Variants in SLC1A6 observed in about 807,000 individuals in gnomAD.
SLC1A6 encodes solute carrier family 1 member 6.
In SLC1A6, 15 loss-of-function variants were observed where a neutral mutation model predicts 42.1. That is an observed-to-expected ratio of 0.36 (90% confidence interval 0.24 to 0.55). The LOEUF is 0.55. Among genes scored for constraint, SLC1A6 ranks in the 20% least tolerant of loss-of-function variants. The probability of loss-of-function intolerance (pLI) is 0.88; values close to 1 mark genes in which losing one functional copy is unlikely to be tolerated. For synonymous variants in SLC1A6, 317 were observed against 319.7 expected (o/e 0.99, Z 0.09); for missense variants, 542 against 772.5 (o/e 0.70, Z 3.54).
At position 14,953,155 on chromosome 19, in the gene SLC1A6, C is replaced by A. The variant is rs2045428677; in HGVS notation, c.1365-93G>T. ...GGACAGAGAGAAGGGAAGAGATCAGCTCCCCAAGGCATTTTAAATTAAATA... is the reference window on the plus strand; with the variant it reads ...GGACAGAGAGAAGGGAAGAGATCAGATCCCCAAGGCATTTTAAATTAAATA... On this transcript the variant is annotated intron_variant, in intron 8 of 9. Coordinates refer to ENST00000594383, the MANE Select transcript of SLC1A6 (RefSeq NM_005071.3). 8 of 916,766 alleles carry A rather than the reference C, an allele frequency of 8.7e-6. No individual in the cohort carries two copies. In the South Asian group the frequency reaches 1.0e-4, roughly 11 times the overall value. The allele number at this position is 916,766 out of a possible 1,614,324, so 56.8% of individuals were successfully genotyped here.
chr19:15,006,760 C>CAA lies in SLC1A6; in HGVS notation c.6+3723_6+3724dup, dbSNP rs58932066. ...GAAAGATAGCAAGACCCTGTCTCTACAAAAAAAAAAAAAGAAAAAGAAAAG... is the reference window on the plus strand; with the variant it reads ...GAAAGATAGCAAGACCCTGTCTCTACAAAAAAAAAAAAAAAGAAAAAGAAAAG... On this transcript the variant is annotated intron_variant, in intron 1 of 8. Coordinates refer to the SLC1A6 transcript ENST00000430939. Among the ~76,000 whole-genome samples, 1,064 of 133,034 alleles carry CAA rather than the reference C, an allele frequency of 8.0e-3. 15 individuals carry two copies. Among genetic ancestry groups the CAA allele is most frequent in the Admixed American group, 0.018 (232 of 12,972 alleles). 87.3% of individuals were successfully genotyped at this position (133,034 alleles called of 152,430 possible).
chr19:14,961,038 A>C (rs998813228), intron 6 of SLC1A6, among the ~76,000 whole-genome samples: 10 of 150,748 alleles, frequency 6.6e-5, no homozygotes, highest in Non-Finnish European at 1.0e-4. Context: ...CAGCCTCCCA[A>C]GCAGCTGGGA....
intron 3 of SLC1A6, among the ~76,000 whole-genome samples, chr19:14,969,528 C>T (rs2045613565): frequency 6.6e-6 from 1 of 152,236 alleles, no homozygotes; most frequent in African/African-American, 2.4e-5. Flanking sequence ...GGCTGAGAGG[C>T]CAGCCTTCTT....
At chr19:14,956,908 C>G (rs906294393) in intron 6 of SLC1A6, among the ~76,000 whole-genome samples, 199 bp from the exon 7 acceptor site, 1 of 152,172 alleles carries the variant, frequency 6.6e-6, no homozygotes, top group Non-Finnish European at 1.5e-5. Context: ...ACCTCCTCCT[C>G]CTCCTGCTCT....
At chr19:15,002,964 A>ATGT (rs140957015) in intron 1 of SLC1A6, among the ~76,000 whole-genome samples, 23 of 150,930 alleles carry the variant, frequency 1.5e-4, no homozygotes, top group African/African-American at 3.4e-4. Flanking sequence ...TTTTTGTGGG[A>ATGT]TGTTGTTGTT....
At chr19:14,985,594 C>T (rs991773308) in intron 1 of SLC1A6, among the ~76,000 whole-genome samples, 8 of 152,214 alleles carry the variant, frequency 5.3e-5, no homozygotes, top group Non-Finnish European at 1.2e-4. Flanking sequence ...GCTTCCTGTA[C>T]AGCCTGCAGA....
chr19:14,967,408 G>A (rs1363807813), intron 4 of SLC1A6, among the ~76,000 whole-genome samples: 2 of 152,132 alleles, frequency 1.3e-5, no homozygotes, highest in Admixed American at 6.5e-5. Flanking sequence ...ACTCTCTTGT[G>A]GCCAAGTGGA....
chr19:14,994,481 C>T (rs1040219558), intron 1 of SLC1A6, among the ~76,000 whole-genome samples: 28 of 152,212 alleles, frequency 1.8e-4, no homozygotes, highest in African/African-American at 6.5e-4. Flanking sequence ...GGTTTCTTTA[C>T]CCCCTACCAC....
chr19:15,008,359 G>C (rs75043124), intron 1 of SLC1A6, among the ~76,000 whole-genome samples: 1 of 151,532 alleles, frequency 6.6e-6, no homozygotes, highest in African/African-American at 2.4e-5. Flanking sequence ...GAAAAAGAGA[G>C]ATATATATAT....
At chr19:15,000,214 T>C (rs993581837) in intron 1 of SLC1A6, among the ~76,000 whole-genome samples, 11 of 152,244 alleles carry the variant, frequency 7.2e-5, no homozygotes, top group Admixed American at 3.3e-4. Flanking sequence ...TTTCAACTTA[T>C]GATGGGTTTA....
rs780900572 is a variant in SLC1A6 at position 14,954,159 on chromosome 19, T to G, written c.1340A>C (p.Asn447Thr). ...CCTGATGGTTGTGATCTGACCCAGG[T>G]TGAGCTCGTAGTTGTTAACTTGAGC... ...FIAQVNNYEL[N>T]LGQITTISIT... The change falls in exon 8 of 10, where the codon AAC (asparagine) becomes ACC (threonine). Residue 447 changes from asparagine to threonine, a missense_variant. By Grantham distance (65) the Asn-to-Thr change is moderately conservative. Around this residue, in one of 6 missense-constraint regions of SLC1A6, gnomAD observed 54 missense variants for 125.1 expected, o/e 0.43. Coordinates refer to ENST00000594383, the MANE Select transcript of SLC1A6 (RefSeq NM_005071.3). The G allele has an allele frequency of 3.1e-6, 5 of 1,609,076 alleles. No homozygotes were observed. The highest frequency in any genetic ancestry group is 4.2e-6 in the Non-Finnish European group (5 of 1,177,440).
chr19:14,962,066 C>T lies in SLC1A6; in HGVS notation c.871G>A (p.Val291Ile). The change falls in exon 6 of 10, where the codon GTC becomes ATC. Residue 291 changes from valine to isoleucine, a missense_variant. Val to Ile is a conservative substitution (Grantham distance 29). Around this residue, in one of 6 missense-constraint regions of SLC1A6, gnomAD observed 298 missense variants for 419.4 expected, o/e 0.71. Transcript: ENST00000594383. Reference protein sequence around the residue: ...VIGGMKHKGRVLRDFFDSLNE... With the variant: ...VIGGMKHKGRILRDFFDSLNE... ...AGGCTGTCGAAGAAGTCCCTGAGGA[C>T]TCTGCCCTTGTGTTTCATGCCACCA... is the stretch of plus-strand genomic sequence containing the variant. 6.2e-7 allele frequency: 1 copy of T among 1,614,218 alleles called. No individual in the cohort carries two copies. Among genetic ancestry groups the T allele is most frequent in the Non-Finnish European group, 8.5e-7 (1 of 1,180,038 alleles).
chr19:14,956,397 G>A (rs2145169930), intron 7 of SLC1A6, 79 bp downstream of exon 7: 1 of 855,062 alleles, frequency 1.2e-6, no homozygotes, highest in Admixed American at 2.8e-5. Flanking sequence ...GGAATGGAGA[G>A]GGCAGGTGCC....
At chr19:14,955,953 A>G (rs1388949011) in intron 7 of SLC1A6, among the ~76,000 whole-genome samples, 1 of 152,070 alleles carries the variant, frequency 6.6e-6, no homozygotes, top group East Asian at 1.9e-4. Flanking sequence ...GAAAAAAAAA[A>G]TTCTTCCATC....
intron 1 of SLC1A6, among the ~76,000 whole-genome samples, chr19:15,002,019 G>C (rs1442869837): frequency 6.6e-6 from 1 of 152,242 alleles, no homozygotes; most frequent in South Asian, 2.1e-4. Context: ...CAAGTAAAAA[G>C]TGAGGAATGA....
chr19:14,989,508 A>G (rs2045808508), intron 1 of SLC1A6, among the ~76,000 whole-genome samples: 1 of 151,562 alleles, frequency 6.6e-6, no homozygotes, highest in South Asian at 2.1e-4. Context: ...TGATCCGCCC[A>G]CCTCGGCCTC....
chr19:15,007,286 A>G (rs2045900463), intron 1 of SLC1A6, among the ~76,000 whole-genome samples: 1 of 152,244 alleles, frequency 6.6e-6, no homozygotes, highest in Non-Finnish European at 1.5e-5. Context: ...AACCAGATAC[A>G]AAAGGCCACA....
chr19:14,980,947 A>T (rs1390847504), upstream of SLC1A6, among the ~76,000 whole-genome samples: 1 of 152,046 alleles, frequency 6.6e-6, no homozygotes, highest in Non-Finnish European at 1.5e-5. Flanking sequence ...ACTCCTAGAT[A>T]GGTGATTCTC....
chr19:15,001,395 G>C (rs901596434), intron 1 of SLC1A6, among the ~76,000 whole-genome samples: 1 of 141,744 alleles, frequency 7.1e-6, no homozygotes, highest in Non-Finnish European at 1.6e-5. Flanking sequence ...AAGGGAGAAA[G>C]CCATATAAAA....
Sources: gnomAD v4.1 joint callset for allele counts (sites outside exome capture counted in the v4.1 genomes callset) on GRCh38, gnomAD v4.1.1 for gene constraint, gnomAD v4.1.1 regional missense constraint, MANE v1.5 for transcripts, NCBI Gene and HGNC (gene_info 2026-07-23, HGNC 2026-07-21) for gene names.